PTPRD: variants seen among roughly 807,000 people sequenced by gnomAD.
PTPRD encodes the protein protein tyrosine phosphatase receptor type D.
Under a neutral mutation model 214.5 loss-of-function variants are expected in PTPRD, and 34 were observed. The observed-to-expected ratio is 0.16, with a 90% confidence interval of 0.12 to 0.21. The LOEUF (loss-of-function observed/expected upper bound fraction) is 0.21, where lower values mean the gene tolerates loss of function less well. Among genes scored for constraint, PTPRD ranks in the 10% least tolerant of loss-of-function variants. The probability of loss-of-function intolerance (pLI) is 1.00; values close to 1 mark genes in which losing one functional copy is unlikely to be tolerated. For missense variants in PTPRD, 2,545 were observed against 2,398.7 expected (o/e 1.06, Z -1.27); for synonymous variants, 1,128 against 845.7 (o/e 1.33, Z -5.79).
chr9:9,948,016 T>C (rs1005070247), intron 4 of PTPRD, among the ~76,000 whole-genome samples: 47 of 151,864 alleles, frequency 3.1e-4, no homozygotes, highest in African/African-American at 1.1e-3. Flanking sequence ...CTTGACTTTA[T>C]GAAGAAGGGA....
intron 9 of PTPRD, among the ~76,000 whole-genome samples, chr9:9,269,142 T>C (rs1020601151): frequency 1.3e-5 from 2 of 151,292 alleles, no homozygotes; most frequent in African/African-American, 4.8e-5. Context: ...AAAATATACA[T>C]GGAACCCATA....
chr9:10,103,737 C>G (rs1229215521), intron 3 of PTPRD, among the ~76,000 whole-genome samples: 1 of 151,360 alleles, frequency 6.6e-6, no homozygotes, highest in Non-Finnish European at 1.5e-5. Context: ...GATGCTTATC[C>G]TTACAGGCAG....
At chr9:10,353,757 T>C (rs2097220735) in intron 2 of PTPRD, among the ~76,000 whole-genome samples, 1 of 151,954 alleles carries the variant, frequency 6.6e-6, no homozygotes, top group Non-Finnish European at 1.5e-5. Flanking sequence ...TTAAACCCTA[T>C]TCATTAACTT....
intron 30 of PTPRD, among the ~76,000 whole-genome samples, chr9:8,477,427 G>A (rs2135392536): frequency 6.6e-6 from 1 of 152,218 alleles, no homozygotes; most frequent in African/African-American, 2.4e-5. Flanking sequence ...CATTTAATAT[G>A]TTATCATCAA....
intron 7 of PTPRD, among the ~76,000 whole-genome samples, chr9:9,626,393 A>G (rs2095426703): frequency 6.6e-6 from 1 of 152,206 alleles, no homozygotes; most frequent in African/African-American, 2.4e-5. Context: ...AACAAGTCAC[A>G]GGATTTAATA....
chr9:9,921,002 T>C (rs1404276479), intron 5 of PTPRD, among the ~76,000 whole-genome samples: 1 of 152,134 alleles, frequency 6.6e-6, no homozygotes, highest in South Asian at 2.1e-4. Context: ...AATTCATTAC[T>C]ACTTTCAAGG....
At chr9:9,297,032 C>A (rs1369353508) in intron 9 of PTPRD, among the ~76,000 whole-genome samples, 2 of 151,692 alleles carry the variant, frequency 1.3e-5, no homozygotes, top group African/African-American at 4.8e-5. Context: ...AAATGTATTT[C>A]TTCCTGAAAT....
intron 6 of PTPRD, among the ~76,000 whole-genome samples, chr9:9,748,715 C>T (rs1236685179): frequency 6.6e-6 from 1 of 152,084 alleles, no homozygotes; most frequent in African/African-American, 2.4e-5. Flanking sequence ...TTCAGGCTTT[C>T]GTTTCTTTGG....
intron 3 of PTPRD, among the ~76,000 whole-genome samples, chr9:10,262,628 G>A (rs1160007233): frequency 2.0e-5 from 3 of 152,304 alleles, no homozygotes; most frequent in African/African-American, 7.2e-5. Context: ...AGAAGATTCT[G>A]GATCAAATAC....
chr9:8,399,192 G>C (rs891710347), intron 36 of PTPRD, among the ~76,000 whole-genome samples: 4 of 145,866 alleles, frequency 2.7e-5, no homozygotes, highest in African/African-American at 7.6e-5. Flanking sequence ...TCAGGATTTA[G>C]AATCAATGTT....
intron 11 of PTPRD, among the ~76,000 whole-genome samples, chr9:8,767,618 G>A (rs1431061761): frequency 1.3e-5 from 2 of 152,102 alleles, no homozygotes; most frequent in Admixed American, 1.3e-4. Context: ...CTTCAACAAA[G>A]AAAACAAACT....
intron 3 of PTPRD, among the ~76,000 whole-genome samples, chr9:10,220,699 GT>G (rs1237190833): frequency 1.1e-4 from 17 of 151,452 alleles, no homozygotes. Context: ...AAAAGTATAC[GT>G]TTTTATATTA....
intron 10 of PTPRD, among the ~76,000 whole-genome samples, chr9:9,143,240 T>A (rs1040835169): frequency 1.3e-5 from 2 of 152,148 alleles, no homozygotes; most frequent in Non-Finnish European, 2.9e-5. Flanking sequence ...ATCTATAAAA[T>A]ATTTGTCCCA....
intron 7 of PTPRD, among the ~76,000 whole-genome samples, chr9:9,671,731 T>C (rs2096835995): frequency 6.6e-6 from 1 of 152,176 alleles, no homozygotes; most frequent in African/African-American, 2.4e-5. Flanking sequence ...TCATTTTCTG[T>C]TGCCACCACC....
At position 10,448,593 on chromosome 9, in the gene PTPRD, ATGTATGATT is replaced by A. The variant is rs1328030320; in HGVS notation, c.-599-107585_-599-107577del. Among the ~76,000 whole-genome samples the A allele has an allele frequency of 5.3e-5, 8 of 152,078 alleles. No individual in the cohort carries two copies. In the South Asian group the frequency reaches 1.4e-3, roughly 28 times the overall value. On this transcript the variant is annotated intron_variant, in intron 2 of 45. Transcript: ENST00000381196. ...TTACCGGTAGTGGTTTAAACTTTACATGTATGATTTGTATGATTTGATCCCTTCTTCACT... is the reference window on the plus strand; with the variant it reads ...TTACCGGTAGTGGTTTAAACTTTACATGTATGATTTGATCCCTTCTTCACT...
At chr9:9,055,382 T>C (rs1335459190) in intron 10 of PTPRD, among the ~76,000 whole-genome samples, 1 of 152,178 alleles carries the variant, frequency 6.6e-6, no homozygotes, top group Non-Finnish European at 1.5e-5. Context: ...GCACATATAC[T>C]TCAAAAACTA....
chr9:9,930,193 T>A (rs972157145), intron 5 of PTPRD, among the ~76,000 whole-genome samples: 3 of 152,124 alleles, frequency 2.0e-5, no homozygotes, highest in African/African-American at 7.2e-5. Flanking sequence ...TGGAAACAGT[T>A]TAGGAGACCT....
chr9:9,058,677 C>G (rs2099701396), intron 10 of PTPRD, among the ~76,000 whole-genome samples: 1 of 151,294 alleles, frequency 6.6e-6, no homozygotes, highest in South Asian at 2.1e-4. Flanking sequence ...TCTCGATCTC[C>G]TGACCTCGTG....
intron 8 of PTPRD, among the ~76,000 whole-genome samples, chr9:9,456,625 A>G (rs959431349): frequency 6.6e-6 from 1 of 151,954 alleles, no homozygotes; most frequent in Non-Finnish European, 1.5e-5. Flanking sequence ...AACTTTAATA[A>G]GTAATAACTA....
Sources: allele counts gnomAD v4.1 joint callset (sites outside exome capture counted in the v4.1 genomes callset), GRCh38; gene constraint gnomAD v4.1.1; transcripts MANE v1.5; gene names NCBI Gene and HGNC (gene_info 2026-07-23, HGNC 2026-07-21).